ZBTB20: variants seen among roughly 807,000 people sequenced by gnomAD.
ZBTB20 encodes the protein zinc finger and BTB domain containing 20.
A neutral mutation model predicts 56.9 loss-of-function variants in ZBTB20; 9 were observed. That is an observed-to-expected ratio of 0.16 (90% confidence interval 0.10 to 0.28). ZBTB20 has a LOEUF of 0.28. Ranked by LOEUF, ZBTB20 falls within the 10% of genes least tolerant of loss-of-function variation. The pLI, the probability that ZBTB20 is intolerant of heterozygous loss-of-function variation, is 1.00. For synonymous variants in ZBTB20, 417 were observed against 420.7 expected, an observed-to-expected ratio of 0.99 and a Z score of 0.11; for missense variants, 655 against 1,003.0, an observed-to-expected ratio of 0.65 and a Z score of 4.69.
At chr3:115,017,574 C>T (rs73857901) in intron 2 of ZBTB20, among the ~76,000 whole-genome samples, 8 of 150,570 alleles carry the variant, frequency 5.3e-5, no homozygotes, top group African/African-American at 1.5e-4. Context: ...TTAGATAGAT[C>T]AAAAAAAATG....
At chr3:114,853,561 C>T (rs1273873391) in intron 4 of ZBTB20, among the ~76,000 whole-genome samples, 2 of 152,172 alleles carry the variant, frequency 1.3e-5, no homozygotes, top group African/African-American at 2.4e-5. Flanking sequence ...AGTGCTTGCC[C>T]GTCCTTGTCC....
chr3:114,786,776 A>T (rs973002672), intron 5 of ZBTB20, among the ~76,000 whole-genome samples: 1 of 152,078 alleles, frequency 6.6e-6, no homozygotes, highest in Non-Finnish European at 1.5e-5. Flanking sequence ...AAAAATACTA[A>T]TATCAAGTAT....
intron 2 of ZBTB20, among the ~76,000 whole-genome samples, chr3:115,051,233 A>C (rs2108437085): frequency 6.6e-6 from 1 of 152,234 alleles, no homozygotes; most frequent in Middle Eastern, 3.4e-3. Flanking sequence ...AGAAGAAAAA[A>C]GCAGACACAA....
intron 6 of ZBTB20, among the ~76,000 whole-genome samples, chr3:114,651,544 G>A (rs2060128315): frequency 8.0e-6 from 1 of 124,920 alleles, no homozygotes; most frequent in Non-Finnish European, 1.6e-5. Flanking sequence ...ACCCTTGGTT[G>A]GATAGTAAAA....
At chr3:114,680,059 C>A (rs1170701213) in intron 6 of ZBTB20, among the ~76,000 whole-genome samples, 1 of 152,154 alleles carries the variant, frequency 6.6e-6, no homozygotes, top group Non-Finnish European at 1.5e-5. Context: ...ACCACATGTT[C>A]TCACTCATAC....
chr3:114,970,898 C>T (rs2077851996), intron 3 of ZBTB20, among the ~76,000 whole-genome samples: 1 of 152,014 alleles, frequency 6.6e-6, no homozygotes, highest in African/African-American at 2.4e-5. Flanking sequence ...GCCTGTAGTC[C>T]CAGCTACTTG....
chr3:115,074,409 G>A (rs1209715948), intron 1 of ZBTB20, among the ~76,000 whole-genome samples: 1 of 152,116 alleles, frequency 6.6e-6, no homozygotes, highest in African/African-American at 2.4e-5. Flanking sequence ...AGTTTAGTAA[G>A]GAAGCAGGTA....
chr3:115,030,832 T>C (rs1319771189), intron 2 of ZBTB20, among the ~76,000 whole-genome samples: 1 of 151,348 alleles, frequency 6.6e-6, no homozygotes, highest in Non-Finnish European at 1.5e-5. Context: ...TTATTGTTTT[T>C]AAATGATTTC....
At chr3:114,410,616 A>G (rs1002811781) in intron 7 of ZBTB20, among the ~76,000 whole-genome samples, 18 of 152,172 alleles carry the variant, frequency 1.2e-4, no homozygotes, top group African/African-American at 4.1e-4. Context: ...GTTCACATCA[A>G]AAAGTTTTCC....
At chr3:114,852,681 T>C (rs1420777478) in intron 4 of ZBTB20, among the ~76,000 whole-genome samples, 2 of 152,218 alleles carry the variant, frequency 1.3e-5, no homozygotes, top group Admixed American at 1.3e-4. Flanking sequence ...CTGGTTTCTT[T>C]GTATTGCTTT....
intron 6 of ZBTB20, among the ~76,000 whole-genome samples, chr3:114,566,286 G>A (rs1390195891): frequency 6.6e-6 from 1 of 152,088 alleles, no homozygotes; most frequent in Non-Finnish European, 1.5e-5. Flanking sequence ...TCTTCAGAAG[G>A]GCATGCCGAG....
intron 7 of ZBTB20, among the ~76,000 whole-genome samples, chr3:114,414,325 T>C (rs1426563797): frequency 6.6e-6 from 1 of 152,062 alleles, no homozygotes; most frequent in African/African-American, 2.4e-5. Context: ...GACTCTAATG[T>C]TGAATGGGAT....
At chr3:114,528,093 A>G (rs2047440154) in intron 6 of ZBTB20, among the ~76,000 whole-genome samples, 1 of 151,536 alleles carries the variant, frequency 6.6e-6, no homozygotes, top group African/African-American at 2.4e-5. Flanking sequence ...AACTGACCTT[A>G]TGATTTTTAA....
At chr3:114,538,635 A>G (rs1219915992) in intron 6 of ZBTB20, among the ~76,000 whole-genome samples, 1 of 152,178 alleles carries the variant, frequency 6.6e-6, no homozygotes, top group African/African-American at 2.4e-5. Context: ...CGCAGTTTAA[A>G]TTAAGTGCAA....
intron 3 of ZBTB20, chr3:114,900,617 AATG>A (rs1269885427): frequency 1.3e-5 from 2 of 151,606 alleles, no homozygotes; most frequent in African/African-American, 2.4e-5. Context: ...CTGAAACTCA[AATG>A]CTTTCACTAG....
chr3:114,881,537 T>A (rs996720722), intron 4 of ZBTB20, among the ~76,000 whole-genome samples: 1 of 151,990 alleles, frequency 6.6e-6, no homozygotes, highest in Non-Finnish European at 1.5e-5. Flanking sequence ...TATTCTATGA[T>A]GGTTTCACTG....
intron 1 of ZBTB20, among the ~76,000 whole-genome samples, chr3:115,139,825 G>C (rs2084760119): frequency 6.6e-6 from 1 of 152,006 alleles, no homozygotes; most frequent in Non-Finnish European, 1.5e-5. Flanking sequence ...ACACCTTCCT[G>C]AGTTAAGATG....
chr3:114,920,493 T>C (rs2075915239), intron 3 of ZBTB20, among the ~76,000 whole-genome samples: 1 of 151,828 alleles, frequency 6.6e-6, no homozygotes, highest in Non-Finnish European at 1.5e-5. Context: ...AAAATAAAAG[T>C]GGAAAAATCA....
At chr3:114,566,928 G>A (rs1577615338) in intron 6 of ZBTB20, among the ~76,000 whole-genome samples, 4 of 152,212 alleles carry the variant, frequency 2.6e-5, no homozygotes, top group Non-Finnish European at 2.9e-5. Context: ...GAGAACAGAT[G>A]TACCTGGCTG....
Sources: allele counts gnomAD v4.1 joint callset (sites outside exome capture counted in the v4.1 genomes callset), GRCh38; gene constraint gnomAD v4.1.1; transcripts MANE v1.5; gene names NCBI Gene and HGNC (gene_info 2026-07-23, HGNC 2026-07-21).